The following AGO3 variants were observed in gnomAD, a reference collection of about 807,000 sequenced individuals.
AGO3 encodes argonaute RISC catalytic component 3.
A neutral mutation model predicts 105.5 loss-of-function variants in AGO3; 16 were observed. The ratio of observed to expected loss-of-function variants is 0.15; its 90% CI spans 0.10 to 0.23. The LOEUF (loss-of-function observed/expected upper bound fraction) is 0.23. Among genes scored for constraint, AGO3 ranks in the 10% least tolerant of loss-of-function variants. The pLI is 1.00. For synonymous variants in AGO3, 340 were observed against 367.3 expected, an observed-to-expected ratio of 0.93 and a Z score of 0.85; for missense variants, 534 against 1,088.0, an observed-to-expected ratio of 0.49 and a Z score of 7.16.
chr1:36,009,291 A>C, intron 8 of AGO3, 184 bp from the exon 9 acceptor site: 2 of 823,616 alleles, frequency 2.4e-6, no homozygotes, highest in Non-Finnish European at 3.6e-6. Flanking sequence ...TCTGGTGTAC[A>C]TTTTACTTAA....
At chr1:35,937,676 C>T (rs931932714) in intron 1 of AGO3, among the ~76,000 whole-genome samples, 6 of 152,224 alleles carry the variant, frequency 3.9e-5, no homozygotes, top group South Asian at 2.1e-4. Context: ...GACCACAGTG[C>T]GAGATTCTGC....
chr1:36,001,624 C>G (rs1640090826), intron 5 of AGO3, among the ~76,000 whole-genome samples: 2 of 152,130 alleles, frequency 1.3e-5, no homozygotes, highest in African/African-American at 4.8e-5. Context: ...GAAAAGATCT[C>G]TAAGATGTAT....
At chr1:35,982,549 C>A in intron 5 of AGO3, 1 of 660,424 alleles carries the variant, frequency 1.5e-6, no homozygotes, top group Non-Finnish European at 2.8e-6. Flanking sequence ...GAAAACTTCT[C>A]TCTATCCTTT....
intron 1 of AGO3, among the ~76,000 whole-genome samples, chr1:35,938,127 C>T (rs753839685): frequency 1.3e-5 from 2 of 151,704 alleles, no homozygotes; most frequent in Non-Finnish European, 2.9e-5. Context: ...ATTACAGGTG[C>T]CCGCCACCAC....
At chr1:36,025,323 G>T (rs1641451379) in intron 11 of AGO3, among the ~76,000 whole-genome samples, 2 of 145,112 alleles carry the variant, frequency 1.4e-5, no homozygotes, top group African/African-American at 2.6e-5. Flanking sequence ...TTCCTCCAGA[G>T]TTTTTATCCC....
chr1:36,003,897 A>G (rs1640224890), intron 5 of AGO3: 1 of 151,340 alleles, frequency 6.6e-6, no homozygotes, highest in Admixed American at 6.6e-5. Flanking sequence ...GCTAACACCT[A>G]TAATCCTACC....
Position 36,068,133 on chromosome 1 carries a change from ACT to A in AGO3, c.*12389_*12390del, listed in dbSNP as rs935544848. The A allele has an allele frequency of 1.3e-5, 2 of 152,146 alleles. No individual in the cohort carries two copies. Among genetic ancestry groups the A allele is most frequent in the Non-Finnish European group, 2.9e-5 (2 of 68,020 alleles). The allele number at this position is 152,146 out of a possible 1,614,324, so 9.4% of individuals were successfully genotyped here. On this transcript the variant is annotated 3_prime_UTR_variant, in exon 19 of 19. Transcript: ENST00000373191. ...CACACACTCACACACAAACACACACACTGTTAAAAATAAAAGAGGGGAAGGAT... is the reference window on the plus strand; with the variant it reads ...CACACACTCACACACAAACACACACAGTTAAAAATAAAAGAGGGGAAGGAT...
chr1:36,011,991 A>T (rs1022010864), intron 9 of AGO3, among the ~76,000 whole-genome samples: 7 of 152,202 alleles, frequency 4.6e-5, no homozygotes, highest in Admixed American at 3.9e-4. Flanking sequence ...TTATTACAGG[A>T]TACACTGAAG....
chr1:35,998,230 C>T (rs535650763), intron 5 of AGO3, among the ~76,000 whole-genome samples: 1 of 152,218 alleles, frequency 6.6e-6, no homozygotes, highest in East Asian at 1.9e-4. Flanking sequence ...AGTGGCTGCT[C>T]ATTAATTTTA....
intron 2 of AGO3, among the ~76,000 whole-genome samples, chr1:35,954,954 T>A (rs1646537313): frequency 6.6e-6 from 1 of 152,174 alleles, no homozygotes; most frequent in Non-Finnish European, 1.5e-5. Context: ...TGCTACAACA[T>A]GAAGTTGTCC....
intron 5 of AGO3, among the ~76,000 whole-genome samples, chr1:35,993,804 A>G (rs1315050532): frequency 3.8e-5 from 5 of 131,940 alleles, no homozygotes; most frequent in Non-Finnish European, 7.7e-5. Context: ...CTGGAGTGCA[A>G]TGGTGAGATC....
chr1:35,988,194 T>C (rs1647294010), intron 5 of AGO3, among the ~76,000 whole-genome samples: 1 of 152,248 alleles, frequency 6.6e-6, no homozygotes, highest in Admixed American at 6.5e-5. Flanking sequence ...AAAAGTTACA[T>C]GTATTTGAGG....
chr1:36,043,893 G>A (rs1463021851), intron 17 of AGO3, among the ~76,000 whole-genome samples: 1 of 151,980 alleles, frequency 6.6e-6, no homozygotes, highest in African/African-American at 2.4e-5. Context: ...GAAAGAGAAA[G>A]CACTATTTTG....
At chr1:35,976,004 C>T (rs1014881108) in intron 5 of AGO3, among the ~76,000 whole-genome samples, 6 of 150,452 alleles carry the variant, frequency 4.0e-5, no homozygotes, top group African/African-American at 7.4e-5. Flanking sequence ...GGAGTGATCT[C>T]GGCTCACAGC....
At chr1:35,948,287 C>T (rs1000787765) in intron 2 of AGO3, among the ~76,000 whole-genome samples, 2 of 150,688 alleles carry the variant, frequency 1.3e-5, no homozygotes, top group South Asian at 2.1e-4. Flanking sequence ...GCGCGATTTC[C>T]GCTCACTGCA....
intron 3 of AGO3, among the ~76,000 whole-genome samples, chr1:35,968,908 T>G (rs1015348606): frequency 1.3e-4 from 20 of 152,052 alleles, no homozygotes; most frequent in South Asian, 2.1e-4. Context: ...GTTTTGTTTT[T>G]TTTTTTGTTC....
Position 36,061,283 on chromosome 1 carries a change from T to C in AGO3, c.*5538T>C, listed in dbSNP as rs1388350817. ...GACTTTTTTCCTACTTTTAAAATGG[T>C]ACATTTAAGTTTATAATTTTCCATG... On this transcript the variant is annotated 3_prime_UTR_variant, in exon 19 of 19. Transcript: ENST00000373191. 1 of 152,120 alleles carries C rather than the reference T, an allele frequency of 6.6e-6. No homozygotes were observed. The highest frequency in any genetic ancestry group is 1.5e-5 in the Non-Finnish European group (1 of 68,024). The allele number at this position is 152,120 out of a possible 1,614,324, so 9.4% of individuals were successfully genotyped here. A position where few individuals can be genotyped will look rare whatever the true frequency, so the allele number is the denominator to read the frequency against.
chr1:35,973,301 GTCTCCCCTTT>G (rs1269088097), intron 4 of AGO3, 64 bp from the exon 5 acceptor site: 1 of 1,307,342 alleles, frequency 7.6e-7, no homozygotes, highest in East Asian at 2.7e-5. Context: ...TTGTGCTCTA[GTCTCCCCTTT>G]TCTGCAGATT....
chr1:36,011,654 A>G (rs922338683), intron 9 of AGO3, among the ~76,000 whole-genome samples: 2 of 152,188 alleles, frequency 1.3e-5, no homozygotes, highest in African/African-American at 4.8e-5. Context: ...TGGCTTCTCC[A>G]CTTACTTACT....
Sources: gnomAD v4.1 joint callset for allele counts (sites outside exome capture counted in the v4.1 genomes callset) on GRCh38, gnomAD v4.1.1 for gene constraint, MANE v1.5 for transcripts, NCBI Gene and HGNC (gene_info 2026-07-23, HGNC 2026-07-21) for gene names.